Variants in PKIB observed in about 807,000 individuals in gnomAD.
The protein encoded by PKIB is cAMP-dependent protein kinase inhibitor beta, also known as PKI-beta.
In PKIB, 2 loss-of-function variants were observed where a neutral mutation model predicts 4.5. The ratio of observed to expected loss-of-function variants is 0.44; its 90% CI spans 0.18 to 1.39. The LOEUF is 1.39. Ranked by LOEUF, PKIB falls within the 40% of genes most tolerant of loss-of-function variation. The pLI, the probability that PKIB is intolerant of heterozygous loss-of-function variation, is 0.27. For missense variants in PKIB, 94 were observed against 92.6 expected, an observed-to-expected ratio of 1.02 and a Z score of -0.06; for synonymous variants, 38 against 36.0, an observed-to-expected ratio of 1.06 and a Z score of -0.20.
chr6:122,687,488 T>C (rs1778139526), intron 3 of PKIB, among the ~76,000 whole-genome samples: 1 of 152,178 alleles, frequency 6.6e-6, no homozygotes, highest in Admixed American at 6.5e-5. Context: ...TAGGATAGTT[T>C]TTTCTATTTC....
chr6:122,610,729 G>A (rs191771224), intron 1 of PKIB, among the ~76,000 whole-genome samples, 194 bp downstream of exon 1: 16 of 152,342 alleles, frequency 1.1e-4, no homozygotes, highest in African/African-American at 3.8e-4. Context: ...CCGATCCATC[G>A]TTTAACTCAC....
At chr6:122,543,694 G>C (rs544861604) in intron 2 of PKIB, among the ~76,000 whole-genome samples, 12 of 152,030 alleles carry the variant, frequency 7.9e-5, no homozygotes, top group African/African-American at 2.7e-4. Context: ...TAACTTTTTA[G>C]AAGTAAGAGA....
chr6:122,476,045 C>T (rs1159784968), intron 1 of PKIB, among the ~76,000 whole-genome samples: 1 of 152,024 alleles, frequency 6.6e-6, no homozygotes, highest in East Asian at 1.9e-4. Context: ...ATAATCAGGT[C>T]ATATTTTTCT....
chr6:122,672,808 A>G (rs1408162855), intron 2 of PKIB, among the ~76,000 whole-genome samples: 1 of 151,796 alleles, frequency 6.6e-6, no homozygotes, highest in Non-Finnish European at 1.5e-5. Context: ...CATATATAGG[A>G]GATATGTACA....
chr6:122,626,896 A>T (rs967998149), intron 1 of PKIB, among the ~76,000 whole-genome samples: 5 of 152,100 alleles, frequency 3.3e-5, no homozygotes, highest in Non-Finnish European at 7.4e-5. Flanking sequence ...ACCTGATAAC[A>T]GCTATGCAAT....
chr6:122,497,709 TAATAA>T (rs1776115703), intron 2 of PKIB, among the ~76,000 whole-genome samples: 1 of 152,084 alleles, frequency 6.6e-6, no homozygotes, highest in Non-Finnish European at 1.5e-5. Context: ...GCACCCAAAT[TAATAA>T]AATAAGTACT....
intron 2 of PKIB, among the ~76,000 whole-genome samples, chr6:122,636,619 T>G (rs1448527180): frequency 6.6e-6 from 1 of 152,076 alleles, no homozygotes; most frequent in Non-Finnish European, 1.5e-5. Context: ...ATAATAGATG[T>G]TGTACACGTT....
At chr6:122,666,359 AT>A (rs1777219454) in intron 2 of PKIB, among the ~76,000 whole-genome samples, 2 of 152,232 alleles carry the variant, frequency 1.3e-5, no homozygotes, top group Non-Finnish European at 2.9e-5. Context: ...AACCAAAATC[AT>A]GTCCGTTTAA....
At chr6:122,493,031 T>C (rs143303940) in intron 2 of PKIB, among the ~76,000 whole-genome samples, 1 of 152,346 alleles carries the variant, frequency 6.6e-6, no homozygotes, top group East Asian at 1.9e-4. Flanking sequence ...ATATATTTTC[T>C]ATTACAAGTT....
intron 2 of PKIB, among the ~76,000 whole-genome samples, chr6:122,647,453 A>T (rs183476024): frequency 1.4e-4 from 22 of 152,306 alleles, no homozygotes; most frequent in Middle Eastern, 3.4e-3. Context: ...ACTCATGCAC[A>T]TTTCCTGAAA....
At chr6:122,630,980 G>C (rs1034424629) in intron 1 of PKIB, among the ~76,000 whole-genome samples, 1 of 152,146 alleles carries the variant, frequency 6.6e-6, no homozygotes, top group Non-Finnish European at 1.5e-5. Context: ...TGGATTAGCA[G>C]CATTTTTTGT....
intron 2 of PKIB, among the ~76,000 whole-genome samples, chr6:122,578,275 C>G (rs1302566449): frequency 6.6e-6 from 1 of 152,076 alleles, no homozygotes; most frequent in Non-Finnish European, 1.5e-5. Flanking sequence ...TATGATGCTT[C>G]TGCTTCAAAG....
chr6:122,689,786 G>A (rs930679432), intron 3 of PKIB, among the ~76,000 whole-genome samples: 24 of 152,306 alleles, frequency 1.6e-4, no homozygotes, highest in Non-Finnish European at 2.5e-4. Flanking sequence ...CTATAATGCA[G>A]ATTAAGTCCA....
chr6:122,612,671 A>C (rs1774810655), intron 1 of PKIB, among the ~76,000 whole-genome samples: 2 of 152,136 alleles, frequency 1.3e-5, no homozygotes, highest in Non-Finnish European at 1.5e-5. Flanking sequence ...GTATGGATAT[A>C]CCACATTTTG....
At chr6:122,666,151 C>G (rs985222498) in intron 2 of PKIB, among the ~76,000 whole-genome samples, 1 of 152,138 alleles carries the variant, frequency 6.6e-6, no homozygotes, top group Non-Finnish European at 1.5e-5. Flanking sequence ...TTAGTCTTTT[C>G]CAGCCTTAGC....
chr6:122,554,010 G>A (rs965176110), intron 2 of PKIB, among the ~76,000 whole-genome samples: 11 of 152,134 alleles, frequency 7.2e-5, no homozygotes, highest in Admixed American at 1.3e-4. Context: ...GTATTCTGGT[G>A]GACATTTGCA....
intron 3 of PKIB, among the ~76,000 whole-genome samples, chr6:122,592,437 G>T (rs62422812): frequency 6.6e-6 from 1 of 152,028 alleles, no homozygotes; most frequent in Non-Finnish European, 1.5e-5. Context: ...AAAAATTTTG[G>T]TCTTTAAAAG....
intron 2 of PKIB, among the ~76,000 whole-genome samples, chr6:122,498,566 A>G (rs1211286584): frequency 6.6e-6 from 1 of 152,214 alleles, no homozygotes; most frequent in African/African-American, 2.4e-5. Flanking sequence ...GATGCAGCAA[A>G]AGCAATGTTA....
Position 122,487,977 on chromosome 6 carries a change from C to T in PKIB, c.-248+10038C>T, listed in dbSNP as rs567435948. 1.8e-4 allele frequency among the ~76,000 whole-genome samples: 28 copies of T among 152,192 alleles called. 1 individual carries two copies. The South Asian group carries it at 2.7e-3, about 15-fold the overall frequency. On this transcript the variant is annotated intron_variant, in intron 2 of 6. Coordinates refer to the PKIB transcript ENST00000392491. Reference sequence around the variant, plus strand: ...TTAAAGTGATATCTTCCAGGTTTCTCAATTGTAAAGTTTCTGTTTCTCTCT... The same window carrying T: ...TTAAAGTGATATCTTCCAGGTTTCTTAATTGTAAAGTTTCTGTTTCTCTCT...
Sources: allele counts gnomAD v4.1 joint callset (sites outside exome capture counted in the v4.1 genomes callset), GRCh38; gene constraint gnomAD v4.1.1; transcripts MANE v1.5; gene names NCBI Gene and HGNC (gene_info 2026-07-23, HGNC 2026-07-21).